PTPRG: variants seen among roughly 807,000 people sequenced by gnomAD.
The protein encoded by PTPRG is protein tyrosine phosphatase receptor type G, also known as receptor-type tyrosine-protein phosphatase gamma.
Under a neutral mutation model 165.3 loss-of-function variants are expected in PTPRG, and 102 were observed. The observed-to-expected ratio is 0.62, with a 90% CI of 0.53 to 0.73. The LOEUF is 0.73. PTPRG is among the 30% of genes least tolerant of loss of function. The probability of loss-of-function intolerance (pLI) is 0.00; values close to 1 mark genes in which losing one functional copy is unlikely to be tolerated. For missense variants in PTPRG, 1,866 were observed against 1,861.4 expected (o/e 1.00, Z -0.05); for synonymous variants, 675 against 669.5 (o/e 1.01, Z -0.13).
intron 1 of PTPRG, among the ~76,000 whole-genome samples, chr3:61,630,274 T>C (rs1338672357): frequency 1.3e-5 from 2 of 152,248 alleles, no homozygotes; most frequent in African/African-American, 4.8e-5. Flanking sequence ...TAGTTAAAGG[T>C]GTTGTCATGA....
chr3:61,650,994 A>G (rs184852890), intron 1 of PTPRG, among the ~76,000 whole-genome samples: 3 of 152,282 alleles, frequency 2.0e-5, no homozygotes, highest in African/African-American at 7.2e-5. Context: ...GTAAAAGTTT[A>G]TATGACTCTG....
intron 1 of PTPRG, among the ~76,000 whole-genome samples, chr3:61,565,949 C>T (rs971339888): frequency 4.0e-5 from 6 of 151,614 alleles, no homozygotes; most frequent in Non-Finnish European, 8.8e-5. Context: ...GTTTTTTTTC[C>T]CTCTCCCTCA....
At chr3:61,797,855 A>G (rs145280591) in intron 2 of PTPRG, among the ~76,000 whole-genome samples, 3 of 152,140 alleles carry the variant, frequency 2.0e-5, no homozygotes, top group Admixed American at 6.5e-5. Flanking sequence ...TTTAATGTCA[A>G]AAAGAAGGAA....
intron 1 of PTPRG, among the ~76,000 whole-genome samples, chr3:61,703,063 G>T (rs556567365): frequency 6.6e-5 from 10 of 152,226 alleles, no homozygotes; most frequent in Non-Finnish European, 1.2e-4. Context: ...TTCTCTATAG[G>T]CAGAGCCTTG....
chr3:62,136,809 G>C (rs1185716115), intron 6 of PTPRG, among the ~76,000 whole-genome samples: 1 of 152,216 alleles, frequency 6.6e-6, no homozygotes, highest in Non-Finnish European at 1.5e-5. Flanking sequence ...GGCCTCCCCA[G>C]TCACGTGGAA....
At chr3:61,927,983 T>C (rs2039266337) in intron 2 of PTPRG, among the ~76,000 whole-genome samples, 1 of 152,130 alleles carries the variant, frequency 6.6e-6, no homozygotes, top group Non-Finnish European at 1.5e-5. Flanking sequence ...CATCTGTAAC[T>C]CAGGTGATTT....
intron 2 of PTPRG, among the ~76,000 whole-genome samples, chr3:61,879,008 C>G (rs1171842685): frequency 6.6e-6 from 1 of 152,126 alleles, no homozygotes; most frequent in Non-Finnish European, 1.5e-5. Context: ...GGAGGTAAAT[C>G]TAATCGAGTA....
Position 62,191,236 on chromosome 3 carries a change from C to T in PTPRG, c.1034-233C>T, listed in dbSNP as rs2106805464. ...CGTGCACGTGTGTGTGCATCTGTGT[C>T]CCTTGCACACGTGTGTGTGCATCTG... On this transcript the variant is annotated intron_variant, in intron 8 of 29. Coordinates refer to ENST00000474889, the MANE Select transcript of PTPRG (RefSeq NM_002841.4). 1.3e-5 allele frequency among the ~76,000 whole-genome samples: 2 copies of T among 150,592 alleles called. 1 individual carries two copies. The highest frequency in any genetic ancestry group is 4.9e-5 in the African/African-American group (2 of 40,876).
intron 4 of PTPRG, among the ~76,000 whole-genome samples, chr3:62,067,040 A>G (rs1392940678): frequency 3.3e-3 from 48 of 14,594 alleles, no homozygotes; most frequent in African/African-American, 7.7e-3. Context: ...TTCTGACTCA[A>G]AAAAAAAAAA....
At chr3:61,867,377 G>T (rs2107427619) in intron 2 of PTPRG, among the ~76,000 whole-genome samples, 1 of 152,272 alleles carries the variant, frequency 6.6e-6, no homozygotes, top group Admixed American at 6.5e-5. Context: ...TGGGTAACTG[G>T]TTAGTGTAAG....
chr3:61,609,615 G>A (rs979597568), intron 1 of PTPRG, among the ~76,000 whole-genome samples: 12 of 152,072 alleles, frequency 7.9e-5, no homozygotes, highest in African/African-American at 1.9e-4. Context: ...CTTGCACTTC[G>A]TGAGGCCGAG....
In PTPRG at chr3:61,890,412, G is replaced by GTTTTTTTTTTTTT. The variant is rs1388100597; in HGVS notation, c.191-99203_191-99202insTTTTTTTTTTTTT. On this transcript the variant is annotated intron_variant, in intron 2 of 29. Transcript: ENST00000474889. ...GTTTTGGGCGGGTTTCTTGTTCTTT[G>GTTTTTTTTTTTTT]TTTTTTTTTTGTTTTTTTTTTTTTT... 8.3e-4 allele frequency among the ~76,000 whole-genome samples: 79 copies of GTTTTTTTTTTTTT among 95,352 alleles called. 3 individuals carry two copies. The highest frequency in any genetic ancestry group is 2.1e-3 in the African/African-American group (47 of 21,862). The allele number at this position is 95,352 out of a possible 152,430, so 62.6% of individuals were successfully genotyped here.
intron 1 of PTPRG, among the ~76,000 whole-genome samples, chr3:61,615,000 T>C (rs1701265207): frequency 6.6e-6 from 1 of 152,192 alleles, no homozygotes; most frequent in Non-Finnish European, 1.5e-5. Context: ...CTCCACCCGT[T>C]ATAGTTTTAA....
At chr3:62,123,280 C>T (rs1703148333) in intron 5 of PTPRG, among the ~76,000 whole-genome samples, 1 of 152,134 alleles carries the variant, frequency 6.6e-6, no homozygotes, top group Admixed American at 6.6e-5. Context: ...AGCTGTTGGC[C>T]AAAGGCTGCT....
intron 8 of PTPRG, among the ~76,000 whole-genome samples, chr3:62,187,203 C>G (rs182491299): frequency 6.6e-6 from 1 of 152,216 alleles, no homozygotes; most frequent in Admixed American, 6.5e-5. Flanking sequence ...TACAACTCCA[C>G]GTACTAGTAA....
At chr3:62,180,937 CTCTG>C (rs773796523) in intron 8 of PTPRG, among the ~76,000 whole-genome samples, 6 of 152,026 alleles carry the variant, frequency 3.9e-5, no homozygotes, top group Admixed American at 6.5e-5. Context: ...GAGCATGTAG[CTCTG>C]TTACATGCAC....
At chr3:61,691,405 T>G (rs2030207323) in intron 1 of PTPRG, among the ~76,000 whole-genome samples, 1 of 152,098 alleles carries the variant, frequency 6.6e-6, no homozygotes, top group Admixed American at 6.5e-5. Context: ...AGACCCTGTC[T>G]CAAACAAACA....
intron 8 of PTPRG, among the ~76,000 whole-genome samples, chr3:62,169,699 C>T (rs1256344263): frequency 6.6e-6 from 1 of 152,090 alleles, no homozygotes; most frequent in Non-Finnish European, 1.5e-5. Context: ...TATTTCCCAA[C>T]CCAGTGCTAT....
rs984654381 is a variant in PTPRG, at chr3:62,214,644, A to C, written c.2156-4207A>C. On this transcript the variant is annotated intron_variant, in intron 12 of 29. Coordinates refer to ENST00000474889, the MANE Select transcript of PTPRG (RefSeq NM_002841.4). The surrounding 1 kb of genome is among the most constrained non-coding windows in gnomAD (Gnocchi z 5.2). ...TATAATTGAGTATGATGTGTGCAGT[A>C]AGAGCAACACAAGATGATGATAGTG... Among the ~76,000 whole-genome samples, 1 of 152,200 alleles carries C rather than the reference A, an allele frequency of 6.6e-6. No individual in the cohort carries two copies. Among genetic ancestry groups the C allele is most frequent in the African/African-American group, 2.4e-5 (1 of 41,454 alleles).
Sources: gnomAD v4.1 joint callset for allele counts (sites outside exome capture counted in the v4.1 genomes callset) on GRCh38, gnomAD v4.1.1 for gene constraint, Gnocchi (gnomAD v3.1) non-coding constraint, MANE v1.5 for transcripts, NCBI Gene and HGNC (gene_info 2026-07-23, HGNC 2026-07-21) for gene names.